The following BBX variants were observed in gnomAD, a reference collection of about 807,000 sequenced individuals.
BBX encodes the protein BBX high mobility group box domain containing.
BBX carries 30 observed loss-of-function variants against 100.2 expected under a neutral mutation model. The ratio of observed to expected loss-of-function variants is 0.30; its 90% CI spans 0.22 to 0.41. BBX has a LOEUF of 0.41. Among genes scored for constraint, BBX ranks in the 10% least tolerant of loss-of-function variants. The pLI, the probability that BBX is intolerant of heterozygous loss-of-function variation, is 1.00. For missense variants in BBX, 1,023 were observed against 1,129.8 expected, an observed-to-expected ratio of 0.91 and a Z score of 1.35; for synonymous variants, 376 against 388.1, an observed-to-expected ratio of 0.97 and a Z score of 0.37.
intron 2 of BBX, among the ~76,000 whole-genome samples, chr3:107,624,760 T>A (rs969881680): frequency 3.9e-5 from 6 of 152,174 alleles, no homozygotes; most frequent in Non-Finnish European, 5.9e-5. Flanking sequence ...TCCCAGCTAC[T>A]TGGGAGGCTG....
chr3:107,736,648 T>C (rs1361141313), intron 7 of BBX, among the ~76,000 whole-genome samples: 1 of 152,022 alleles, frequency 6.6e-6, no homozygotes, highest in Admixed American at 6.6e-5. Flanking sequence ...TTGTTAGTTA[T>C]CTTAATAAAA....
chr3:107,684,531 G>T (rs993902635), intron 3 of BBX: 11 of 152,168 alleles, frequency 7.2e-5, no homozygotes. Context: ...GCTATGGTAA[G>T]TTCCTACGTC....
chr3:107,570,510 G>T (rs1386973765), intron 2 of BBX, among the ~76,000 whole-genome samples: 1 of 152,122 alleles, frequency 6.6e-6, no homozygotes, highest in Non-Finnish European at 1.5e-5. Flanking sequence ...GTCTGATTTG[G>T]GAGAGGTCGG....
At chr3:107,744,928 A>G (rs1576605627) in intron 8 of BBX, among the ~76,000 whole-genome samples, 1 of 152,212 alleles carries the variant, frequency 6.6e-6, no homozygotes, top group Admixed American at 6.5e-5. Context: ...CATTAAAGTC[A>G]TACTAAATAT....
Position 107,672,370 on chromosome 3 carries a change from T to C in BBX, c.-10+26461T>C, listed in dbSNP as rs542188276. On this transcript the variant is annotated intron_variant, in intron 3 of 17. Coordinates refer to ENST00000325805, the MANE Select transcript of BBX (RefSeq NM_001142568.3). Reference sequence around the variant, plus strand: ...TAACCCTGTGATACAAAGTGATATTTTGAGTTAAAGGGGATCTAGGATAAC... The same window carrying C: ...TAACCCTGTGATACAAAGTGATATTCTGAGTTAAAGGGGATCTAGGATAAC... 2.0e-5 allele frequency among the ~76,000 whole-genome samples: 3 copies of C among 152,126 alleles called. No individual in the cohort carries two copies. In the South Asian group the frequency reaches 6.2e-4, roughly 32 times the overall value.
At chr3:107,582,087 C>T (rs2052321068) in intron 2 of BBX, among the ~76,000 whole-genome samples, 1 of 151,870 alleles carries the variant, frequency 6.6e-6, no homozygotes, top group Non-Finnish European at 1.5e-5. Context: ...TCTTAGCTTG[C>T]TAGGGCATCC....
At chr3:107,788,707 G>T (rs933383868) in intron 13 of BBX, among the ~76,000 whole-genome samples, 1 of 151,976 alleles carries the variant, frequency 6.6e-6, no homozygotes, top group Non-Finnish European at 1.5e-5. Flanking sequence ...CCCAGGAGGT[G>T]GAGGTTGCAG....
chr3:107,778,230 GT>G (rs947359314), intron 12 of BBX, 140 bp from the exon 13 acceptor site: 3 of 991,236 alleles, frequency 3.0e-6, no homozygotes. Context: ...CAGAAAAGGT[GT>G]TTTTTTCCTT....
At chr3:107,687,617 G>A (rs1051038980) in intron 3 of BBX, among the ~76,000 whole-genome samples, 5 of 151,982 alleles carry the variant, frequency 3.3e-5, no homozygotes, top group South Asian at 2.1e-4. Context: ...GTCTTGAACC[G>A]GCCTGACATT....
intron 15 of BBX, among the ~76,000 whole-genome samples, chr3:107,797,335 CAAATATATATATAT>C (rs1481086031): frequency 2.5e-5 from 1 of 40,190 alleles, no homozygotes; most frequent in African/African-American, 1.8e-4. Context: ...GCTTTTCTTC[CAAATATATATATAT>C]ATATATATAT....
At chr3:107,679,004 CG>C (rs2059433584) in intron 3 of BBX, among the ~76,000 whole-genome samples, 1 of 151,924 alleles carries the variant, frequency 6.6e-6, no homozygotes, top group Admixed American at 6.6e-5. Context: ...TTTATAGATG[CG>C]GGTTTACAAA....
intron 2 of BBX, among the ~76,000 whole-genome samples, chr3:107,530,746 T>G (rs1405066489): frequency 5.9e-5 from 9 of 152,264 alleles, no homozygotes; most frequent in Admixed American, 5.9e-4. Context: ...AAAATACCTT[T>G]AACATCCCAA....
intron 3 of BBX, among the ~76,000 whole-genome samples, chr3:107,671,740 C>T (rs867660320): frequency 9.9e-5 from 15 of 152,004 alleles, no homozygotes; most frequent in Middle Eastern, 3.2e-3. Flanking sequence ...CTCATTGCCT[C>T]CTTGAGAGAC....
chr3:107,589,614 C>T (rs1161482560), intron 2 of BBX, among the ~76,000 whole-genome samples: 1 of 152,096 alleles, frequency 6.6e-6, no homozygotes, highest in East Asian at 1.9e-4. Context: ...GCATGAAAGC[C>T]CAAGTCTTGA....
chr3:107,559,827 C>T (rs1228723995), intron 2 of BBX, among the ~76,000 whole-genome samples: 1 of 152,140 alleles, frequency 6.6e-6, no homozygotes, highest in Non-Finnish European at 1.5e-5. Flanking sequence ...ACTGCAGCCT[C>T]GACCTCCCAG....
At chr3:107,770,530 A>G (rs2066819831) in intron 10 of BBX, among the ~76,000 whole-genome samples, 1 of 152,236 alleles carries the variant, frequency 6.6e-6, no homozygotes, top group Non-Finnish European at 1.5e-5. Flanking sequence ...TAAGAGTAAA[A>G]CATGCAGGGA....
chr3:107,539,836 C>T (rs968170061), intron 2 of BBX, among the ~76,000 whole-genome samples: 2 of 152,106 alleles, frequency 1.3e-5, no homozygotes, highest in African/African-American at 4.8e-5. Context: ...CTTTGGAGAC[C>T]ACTGGTCATT....
intron 3 of BBX, chr3:107,661,960 T>A: frequency 1.1e-6 from 1 of 938,864 alleles, no homozygotes; most frequent in Non-Finnish European, 1.3e-6. Flanking sequence ...TCATTCAGCA[T>A]TTGTTAAGTG....
At chr3:107,567,362 T>A (rs2050997316) in intron 2 of BBX, among the ~76,000 whole-genome samples, 1 of 152,004 alleles carries the variant, frequency 6.6e-6, no homozygotes, top group African/African-American at 2.4e-5. Flanking sequence ...TCTAATCTGA[T>A]TGTGATTGTC....
Sources: gnomAD v4.1 joint callset for allele counts (sites outside exome capture counted in the v4.1 genomes callset) on GRCh38, gnomAD v4.1.1 for gene constraint, MANE v1.5 for transcripts, NCBI Gene and HGNC (gene_info 2026-07-23, HGNC 2026-07-21) for gene names.